Variants in RBFOX1 observed in about 807,000 individuals in gnomAD.
The protein encoded by RBFOX1 is RNA binding fox-1 homolog 1, also known as RNA binding protein fox-1 homolog 1.
Under a neutral mutation model 57.7 loss-of-function variants are expected in RBFOX1, and 8 were observed. The ratio of observed to expected loss-of-function variants is 0.14; its 90% CI spans 0.08 to 0.25. RBFOX1 has a LOEUF of 0.25. Among genes scored for constraint, RBFOX1 ranks in the 10% least tolerant of loss-of-function variants. The pLI is 1.00. For synonymous variants in RBFOX1, 326 were observed against 222.4 expected, an observed-to-expected ratio of 1.47 and a Z score of -4.15; for missense variants, 611 against 548.5, an observed-to-expected ratio of 1.11 and a Z score of -1.14.
chr16:7,568,750 G>T (rs1225282799), intron 5 of RBFOX1, among the ~76,000 whole-genome samples: 1 of 151,878 alleles, frequency 6.6e-6, no homozygotes, highest in Non-Finnish European at 1.5e-5. Context: ...AGCCGGGCAT[G>T]GTGGCGGGCA....
intron 4 of RBFOX1, among the ~76,000 whole-genome samples, chr16:7,202,681 C>G (rs2088888686): frequency 6.6e-6 from 1 of 152,168 alleles, no homozygotes; most frequent in African/African-American, 2.4e-5. Context: ...GTTCTCACAG[C>G]AGCACAAACT....
intron 4 of RBFOX1, among the ~76,000 whole-genome samples, chr16:7,200,209 G>C (rs2087974902): frequency 6.6e-6 from 1 of 152,188 alleles, no homozygotes; most frequent in Non-Finnish European, 1.5e-5. Flanking sequence ...TTTTAGAAAG[G>C]AAACTCGACT....
chr16:6,941,456 C>G (rs1314158337), intron 3 of RBFOX1, among the ~76,000 whole-genome samples: 1 of 151,856 alleles, frequency 6.6e-6, no homozygotes, highest in African/African-American at 2.4e-5. Context: ...CCAAAGTCCT[C>G]TAACATACTG....
chr16:7,113,778 C>T (rs1357791301), intron 4 of RBFOX1, among the ~76,000 whole-genome samples: 1 of 152,036 alleles, frequency 6.6e-6, no homozygotes, highest in African/African-American at 2.4e-5. Context: ...TATTTGCTCC[C>T]TTATTGATGA....
intron 3 of RBFOX1, among the ~76,000 whole-genome samples, chr16:6,779,407 G>A (rs13337709): frequency 0.75 from 113,174 of 151,600 alleles, 43,521 homozygotes; most frequent in African/African-American, 0.92. Flanking sequence ...TTTTTCATTC[G>A]GTTCATACAT....
At chr16:7,005,600 T>G (rs2093227253) in intron 3 of RBFOX1, among the ~76,000 whole-genome samples, 1 of 152,128 alleles carries the variant, frequency 6.6e-6, no homozygotes, top group Non-Finnish European at 1.5e-5. Context: ...GGCTTGGTGT[T>G]GGTAGGAGGT....
At position 5,659,550 on chromosome 16, in the gene RBFOX1, G is replaced by A. The variant is rs137995369; in HGVS notation, c.318+60589G>A. Among the ~76,000 whole-genome samples the A allele has an allele frequency of 3.1e-3, 479 of 152,134 alleles. 1 individual carries two copies. Among genetic ancestry groups the A allele is most frequent in the Non-Finnish European group, 5.2e-3 (352 of 68,000 alleles). ...AGTCTCCTGACCTTGTGATCCGTCC[G>A]CCTCGGCCTCCCAAAGTGCTGGGAT... On this transcript the variant is annotated intron_variant, in intron 3 of 19. Transcript: ENST00000641259.
chr16:6,813,497 C>T (rs1020040810), intron 3 of RBFOX1, among the ~76,000 whole-genome samples: 1 of 152,152 alleles, frequency 6.6e-6, no homozygotes, highest in Non-Finnish European at 1.5e-5. Context: ...TGGCTCTTTC[C>T]CCAGCCCTAT....
intron 3 of RBFOX1, among the ~76,000 whole-genome samples, chr16:5,665,947 C>G (rs1456287935): frequency 6.6e-6 from 1 of 152,218 alleles, no homozygotes; most frequent in Non-Finnish European, 1.5e-5. Flanking sequence ...GGGAGAGAAG[C>G]AGAGCTGACG....
At chr16:6,408,867 TTA>T (rs1003750276) in intron 2 of RBFOX1, among the ~76,000 whole-genome samples, 15 of 152,176 alleles carry the variant, frequency 9.9e-5, no homozygotes, top group Admixed American at 4.6e-4. Flanking sequence ...ATCACAACTT[TTA>T]TGTTTTCTTG....
At chr16:7,323,710 A>G (rs1214721966) in intron 4 of RBFOX1, among the ~76,000 whole-genome samples, 1 of 152,230 alleles carries the variant, frequency 6.6e-6, no homozygotes, top group Non-Finnish European at 1.5e-5. Flanking sequence ...GAGATAACAG[A>G]TACAATGAAA....
intron 4 of RBFOX1, among the ~76,000 whole-genome samples, chr16:5,950,410 T>A (rs554358789): frequency 6.0e-4 from 92 of 152,328 alleles, no homozygotes; most frequent in African/African-American, 2.0e-3. Context: ...GAGTTAATTG[T>A]CACATTGGCA....
chr16:5,838,675 A>G (rs2056536948), intron 3 of RBFOX1: 1 of 152,286 alleles, frequency 6.6e-6, no homozygotes, highest in African/African-American at 2.4e-5. Context: ...CTCTCTCTAG[A>G]CCTCTGTTTT....
chr16:7,140,834 T>A (rs564253411), intron 4 of RBFOX1, among the ~76,000 whole-genome samples: 2 of 152,330 alleles, frequency 1.3e-5, no homozygotes, highest in African/African-American at 4.8e-5. Context: ...TCCACACCTC[T>A]TGGCGGACTC....
chr16:5,662,314 G>C (rs1014181045), intron 3 of RBFOX1, among the ~76,000 whole-genome samples: 4 of 152,070 alleles, frequency 2.6e-5, no homozygotes, highest in African/African-American at 9.7e-5. Flanking sequence ...TTGTTTGTGT[G>C]AACGCTCTCT....
chr16:6,883,871 T>G (rs149842927), intron 3 of RBFOX1, among the ~76,000 whole-genome samples: 3 of 152,204 alleles, frequency 2.0e-5, no homozygotes, highest in Non-Finnish European at 4.4e-5. Context: ...GCCAAAATGT[T>G]AAATGTTTTT....
intron 2 of RBFOX1, among the ~76,000 whole-genome samples, chr16:6,584,369 TTA>T (rs1457402190): frequency 1.4e-5 from 2 of 147,604 alleles, no homozygotes; most frequent in Non-Finnish European, 3.0e-5. Flanking sequence ...ATTATTATTA[TTA>T]TTATTATTAT....
intron 1 of RBFOX1, among the ~76,000 whole-genome samples, chr16:6,156,338 G>A (rs1243366232): frequency 6.6e-6 from 1 of 152,142 alleles, no homozygotes; most frequent in Non-Finnish European, 1.5e-5. Flanking sequence ...GTTTCACAGG[G>A]GCCTTTTCTA....
chr16:7,594,150 G>T (rs1484492612), intron 7 of RBFOX1, among the ~76,000 whole-genome samples: 1 of 150,554 alleles, frequency 6.6e-6, no homozygotes, highest in Non-Finnish European at 1.5e-5. Context: ...GACAGGCCCT[G>T]GTGTGTGATG....
Sources: gnomAD v4.1 joint callset for allele counts (sites outside exome capture counted in the v4.1 genomes callset) on GRCh38, gnomAD v4.1.1 for gene constraint, MANE v1.5 for transcripts, NCBI Gene and HGNC (gene_info 2026-07-23, HGNC 2026-07-21) for gene names.